The following SASH1 variants were observed in gnomAD, a reference collection of about 807,000 sequenced individuals.
The protein encoded by SASH1 is SAM and SH3 domain containing 1, also known as SAM and SH3 domain-containing protein 1.
In SASH1, 44 loss-of-function variants were observed where a neutral mutation model predicts 125.2. The observed-to-expected ratio is 0.35, with a 90% CI of 0.28 to 0.45. The LOEUF (loss-of-function observed/expected upper bound fraction) is 0.45, where lower values mean the gene tolerates loss of function less well. SASH1 is among the 20% of genes least tolerant of loss of function. The probability of loss-of-function intolerance (pLI) is 1.00; values close to 1 mark genes in which losing one functional copy is unlikely to be tolerated. For missense variants in SASH1, 1,426 were observed against 1,614.5 expected (o/e 0.88, Z 2.00); for synonymous variants, 639 against 649.1 (o/e 0.98, Z 0.24).
chr6:148,255,142 T>C, the SASH1 span, among the ~76,000 whole-genome samples: 6 of 152,206 alleles, frequency 3.9e-5, no homozygotes, highest in Non-Finnish European at 8.8e-5. Flanking sequence ...ACTGTTAGTG[T>C]GCTAGGGCCG....
At position 148,549,599 on chromosome 6, in the gene SASH1, G is replaced by A. The variant is rs557680515; in HGVS notation, c.*1041G>A. The A allele has an allele frequency of 1.0e-5, 4 of 398,820 alleles. No homozygotes were observed. The Admixed American group carries it at 1.8e-4, about 18-fold the overall frequency. The allele number at this position is 398,820 out of a possible 1,614,324, so 24.7% of individuals were successfully genotyped here. A position where few individuals can be genotyped will look rare whatever the true frequency, so the allele number is the denominator to read the frequency against. ...GGTCACTGTGAGGCTGCATATTTCA[G>A]AAAGATGTCCTTAATAAGGGAAGTC... is the stretch of plus-strand genomic sequence containing the variant. On this transcript the variant is annotated 3_prime_UTR_variant, in exon 20 of 20. Transcript: ENST00000367467.
intron 4 of SASH1, among the ~76,000 whole-genome samples, chr6:148,465,453 A>G (rs1417354783): frequency 1.3e-5 from 2 of 151,546 alleles, no homozygotes; most frequent in African/African-American, 4.8e-5. Context: ...CTGAGGCAGG[A>G]GAATCGCATG....
Position 148,473,261 on chromosome 6 carries a change from T to A in SASH1, c.515-849T>A, listed in dbSNP as rs370545218. The stretch of plus-strand genomic sequence containing the variant: ...CTTAGCATTTTTTATTTATTTATTT[T>A]TTTTGTCTTCAGATGGAGTCTTGCT... On this transcript the variant is annotated intron_variant, in intron 6 of 19. Coordinates refer to ENST00000367467, the MANE Select transcript of SASH1 (RefSeq NM_015278.5). Among the ~76,000 whole-genome samples the A allele has an allele frequency of 1.3e-3, 198 of 152,312 alleles. 4 individuals are homozygous for A. In the South Asian group the frequency reaches 0.031, roughly 24 times the overall value.
At chr6:148,216,832 G>A in the SASH1 span, among the ~76,000 whole-genome samples, 1 of 152,160 alleles carries the variant, frequency 6.6e-6, no homozygotes, top group East Asian at 1.9e-4. Flanking sequence ...CCGGGTTCAA[G>A]CAATTCTCAT....
At chr6:148,451,711 G>A (rs1261596561) in intron 4 of SASH1, among the ~76,000 whole-genome samples, 1 of 152,112 alleles carries the variant, frequency 6.6e-6, no homozygotes, top group Non-Finnish European at 1.5e-5. Context: ...AAACTCATAC[G>A]TAATATTGTG....
At chr6:148,303,756 C>G (rs1202489932) in intron 1 of SASH1, among the ~76,000 whole-genome samples, 2 of 150,960 alleles carry the variant, frequency 1.3e-5, no homozygotes, top group East Asian at 3.9e-4. Context: ...GATTGTGCCA[C>G]AGCACTCCAG....
At chr6:148,397,415 G>T (rs1388794016) in intron 2 of SASH1, among the ~76,000 whole-genome samples, 1 of 152,182 alleles carries the variant, frequency 6.6e-6, no homozygotes, top group Admixed American at 6.5e-5. Flanking sequence ...AACACTGGAG[G>T]TGGAGGTTGC....
intron 1 of SASH1, among the ~76,000 whole-genome samples, chr6:148,366,478 G>A (rs1193901020): frequency 6.6e-6 from 1 of 152,214 alleles, no homozygotes; most frequent in Admixed American, 6.5e-5. Flanking sequence ...GGGCGATGGT[G>A]CATTTCTGGT....
chr6:148,291,522 A>G (rs1439072913), intron 1 of SASH1, among the ~76,000 whole-genome samples: 1 of 152,164 alleles, frequency 6.6e-6, no homozygotes. Context: ...CTCTAAAAAA[A>G]TACAAAAAAG....
the SASH1 span, among the ~76,000 whole-genome samples, chr6:148,193,499 T>A: frequency 6.6e-6 from 1 of 152,184 alleles, no homozygotes; most frequent in Non-Finnish European, 1.5e-5. Context: ...TTGGCTAAAA[T>A]GTTTGCTTCC....
At chr6:148,372,537 C>G (rs528885925) in intron 1 of SASH1, among the ~76,000 whole-genome samples, 2 of 152,166 alleles carry the variant, frequency 1.3e-5, no homozygotes, top group Admixed American at 6.5e-5. Flanking sequence ...TTAAAACTTG[C>G]TAGTTACTTT....
chr6:148,335,456 C>T (rs1781127101), intron 1 of SASH1, among the ~76,000 whole-genome samples: 1 of 123,748 alleles, frequency 8.1e-6, no homozygotes, highest in Non-Finnish European at 1.6e-5. Context: ...CAGCGTGAGA[C>T]TCTGTCTCAA....
the SASH1 span, among the ~76,000 whole-genome samples, chr6:148,223,630 G>C: frequency 1.8e-4 from 27 of 152,264 alleles, no homozygotes; most frequent in South Asian, 5.4e-3. Context: ...AACTTCATGT[G>C]AGTTTATTTT....
chr6:148,366,755 G>T (rs1782474850), intron 1 of SASH1, among the ~76,000 whole-genome samples: 1 of 151,818 alleles, frequency 6.6e-6, no homozygotes, highest in Admixed American at 6.6e-5. Flanking sequence ...GGGCCACCAA[G>T]CCCGCGTAAT....
intron 4 of SASH1, among the ~76,000 whole-genome samples, chr6:148,466,808 C>T (rs1777857475): frequency 6.6e-6 from 1 of 152,092 alleles, no homozygotes; most frequent in Admixed American, 6.5e-5. Flanking sequence ...CCTGCCTCAG[C>T]CTTTGCTCTA....
Position 148,319,824 on chromosome 6 carries a change from G to A in SASH1, n.74+47447G>A, listed in dbSNP as rs550018704. On this transcript the variant is annotated intron_variant and non_coding_transcript_variant, in intron 1 of 3. Transcript: ENST00000367469. ...CCACCGCACCCGGCCCGATGTATAAGTTTTAAATTGCACGCCATTCTGAGG... is the reference window on the plus strand; with the variant it reads ...CCACCGCACCCGGCCCGATGTATAAATTTTAAATTGCACGCCATTCTGAGG... Among the ~76,000 whole-genome samples, 5 of 152,248 alleles carry A rather than the reference G, an allele frequency of 3.3e-5. No individual in the cohort carries two copies. In the South Asian group the frequency reaches 1.0e-3, roughly 32 times the overall value.
the SASH1 span, among the ~76,000 whole-genome samples, chr6:148,220,917 A>C: frequency 6.6e-6 from 1 of 152,222 alleles, no homozygotes; most frequent in Non-Finnish European, 1.5e-5. Context: ...GTGTCTCAAA[A>C]AATAAAATAA....
chr6:148,423,094 A>G (rs550259624), intron 2 of SASH1, among the ~76,000 whole-genome samples: 1 of 152,168 alleles, frequency 6.6e-6, no homozygotes, highest in African/African-American at 2.4e-5. Flanking sequence ...GCACGCCACC[A>G]CGCCCAGCTA....
chr6:148,470,961 A>G (rs953078482), intron 5 of SASH1, among the ~76,000 whole-genome samples: 9 of 152,200 alleles, frequency 5.9e-5, no homozygotes, highest in African/African-American at 2.2e-4. Context: ...TAAATCTGGA[A>G]TAACAGAAAT....
Sources: gnomAD v4.1 joint callset for allele counts (sites outside exome capture counted in the v4.1 genomes callset) on GRCh38, gnomAD v4.1.1 for gene constraint, MANE v1.5 for transcripts, NCBI Gene and HGNC (gene_info 2026-07-23, HGNC 2026-07-21) for gene names.